The following DSC2 variants were observed in gnomAD, a reference collection of about 807,000 sequenced individuals.
DSC2 encodes desmocollin-2.
A neutral mutation model predicts 87.6 loss-of-function variants in DSC2; 51 were observed. The ratio of observed to expected loss-of-function variants is 0.58; its 90% CI spans 0.46 to 0.74. The LOEUF (loss-of-function observed/expected upper bound fraction) is 0.74, where lower values mean the gene tolerates loss of function less well. DSC2 is among the 30% of genes least tolerant of loss of function. The probability of loss-of-function intolerance (pLI) is 0.00; values close to 1 mark genes in which losing one functional copy is unlikely to be tolerated. For missense variants in DSC2, 1,066 were observed against 1,089.5 expected (o/e 0.98, Z 0.30); for synonymous variants, 383 against 393.2 (o/e 0.97, Z 0.31).
chr18:31,079,927 T>C lies in DSC2; in HGVS notation c.1583A>G (p.Lys528Arg). The change falls in exon 11 of 16, where the codon AAA (lysine) becomes AGA (arginine). Residue 528 changes from lysine to arginine, a missense_variant. Physicochemically the swap from Lys to Arg is conservative, Grantham distance 26. Transcript: ENST00000280904. ...CTCTCTATCCAGGCTTCTGAAAACT[T>C]TGATTGATCCTGTATTTTCATCAAT... is the stretch of plus-strand genomic sequence containing the variant. ...VTIDENTGSI[K>R]VFRSLDREAE... is the part of the protein sequence containing the mutation. 4.3e-6 allele frequency: 7 copies of C among 1,614,018 alleles called. No homozygotes were observed. Among genetic ancestry groups the C allele is most frequent in the Non-Finnish European group, 5.9e-6 (7 of 1,179,934 alleles).
intron 1 of DSC2, among the ~76,000 whole-genome samples, chr18:31,096,337 A>G (rs1398637029): frequency 6.6e-6 from 1 of 152,214 alleles, no homozygotes; most frequent in Non-Finnish European, 1.5e-5. Flanking sequence ...ACACACAGTG[A>G]TAAGAGGAAC....
intron 1 of DSC2, among the ~76,000 whole-genome samples, chr18:31,098,819 C>T (rs7235130): frequency 0.14 from 21,101 of 152,140 alleles, 3,253 homozygotes; most frequent in African/African-American, 0.38. Flanking sequence ...CACCTGCCCA[C>T]ATATGAAATG....
At chr18:31,093,420 T>C (rs990815464) in intron 2 of DSC2, 139 bp downstream of exon 2, 3 of 551,616 alleles carry the variant, frequency 5.4e-6, no homozygotes, top group Non-Finnish European at 1.0e-5. Flanking sequence ...GTTAGTTTGC[T>C]GAGAATAATT....
intron 1 of DSC2, among the ~76,000 whole-genome samples, chr18:31,096,743 A>C (rs956069324): frequency 6.6e-6 from 1 of 152,200 alleles, no homozygotes; most frequent in African/African-American, 2.4e-5. Flanking sequence ...ACAAATGGGA[A>C]AACACTAGAA....
At chr18:31,089,406 T>G in intron 5 of DSC2, 33 bp downstream of exon 5, 1 of 1,612,546 alleles carries the variant, frequency 6.2e-7, no homozygotes, top group East Asian at 2.2e-5. Context: ...AGCATCATCA[T>G]TGCTAATACA....
At chr18:31,101,567 C>T (rs1306486471) in intron 1 of DSC2, 1 of 289,956 alleles carries the variant, frequency 3.4e-6, no homozygotes, top group East Asian at 7.1e-5. Context: ...CACTCCGACC[C>T]CGGCGCACTC....
At chr18:31,079,084 T>G (rs2144810464) in intron 11 of DSC2, among the ~76,000 whole-genome samples, 1 of 152,300 alleles carries the variant, frequency 6.6e-6, no homozygotes, top group African/African-American at 2.4e-5. Context: ...CCAAGTATAT[T>G]GTTAGCTTCC....
At chr18:31,096,887 GA>G (rs1356714301) in intron 1 of DSC2, among the ~76,000 whole-genome samples, 1 of 152,028 alleles carries the variant, frequency 6.6e-6, no homozygotes, top group African/African-American at 2.4e-5. Context: ...CATTTGATAT[GA>G]CTGTTTACCT....
chr18:31,080,423 A>G (rs1484192568), intron 9 of DSC2, 71 bp from the exon 10 acceptor site: 9 of 1,550,112 alleles, frequency 5.8e-6, no homozygotes, highest in Non-Finnish European at 7.9e-6. Context: ...GAGTATATAT[A>G]ATGTTAAATT....
chr18:31,089,675 C>T (rs1251140385), intron 4 of DSC2, 81 bp from the exon 5 acceptor site: 15 of 1,359,720 alleles, frequency 1.1e-5, no homozygotes, highest in Non-Finnish European at 1.5e-5. Flanking sequence ...AATCTCATTG[C>T]CATTTTATTA....
Position 31,060,159 on chromosome 18 carries a change from T to A in DSC2, c.*7856A>T, listed in dbSNP as rs1986473823. 6.6e-6 allele frequency: 1 copy of A among 152,224 alleles called. No individual in the cohort carries two copies. Among genetic ancestry groups the A allele is most frequent in the African/African-American group, 2.4e-5 (1 of 41,464 alleles). 9.4% of individuals were successfully genotyped at this position (152,224 alleles called of 1,614,324 possible). ...CTTCCCTGTCATGGAACATTTAGTTTATTTTCAGTTATTCATATATTTAAT... is the reference window on the plus strand; with the variant it reads ...CTTCCCTGTCATGGAACATTTAGTTAATTTTCAGTTATTCATATATTTAAT... On this transcript the variant is annotated 3_prime_UTR_variant, in exon 16 of 16. Transcript: ENST00000280904.
intron 11 of DSC2, among the ~76,000 whole-genome samples, chr18:31,075,287 G>A (rs1328587689): frequency 6.6e-6 from 1 of 152,174 alleles, no homozygotes; most frequent in East Asian, 1.9e-4. Flanking sequence ...CAATGACAGG[G>A]AAGGTAGACA....
rs1986511527 is a variant in DSC2, at chr18:31,062,013, G to T, written c.*6002C>A. 2.6e-5 allele frequency: 4 copies of T among 152,176 alleles called. No homozygotes were observed. In the South Asian group the frequency reaches 8.3e-4, roughly 32 times the overall value. The allele number at this position is 152,176 out of a possible 1,614,324, so 9.4% of individuals were successfully genotyped here. A position where few individuals can be genotyped will look rare whatever the true frequency, so the allele number is the denominator to read the frequency against. On this transcript the variant is annotated 3_prime_UTR_variant, in exon 16 of 16. Coordinates refer to ENST00000280904, the MANE Select transcript of DSC2 (RefSeq NM_024422.6). ...TCCTACGTGAGAAGAGCAGGGCTGGGAACTACCTCTTACGTGTTATCTTCC... is the reference window on the plus strand; with the variant it reads ...TCCTACGTGAGAAGAGCAGGGCTGGTAACTACCTCTTACGTGTTATCTTCC...
At position 31,093,571 on chromosome 18, in the gene DSC2, G is replaced by A. The variant is rs769776739; in HGVS notation, c.142C>T (p.Leu48Phe). Residue 48 changes from leucine to phenylalanine, a missense_variant, in exon 2 of 16, where the codon CTT (leucine) becomes TTT (phenylalanine). By Grantham distance (22) the Leu-to-Phe change is conservative. Coordinates refer to ENST00000280904, the MANE Select transcript of DSC2 (RefSeq NM_024422.6). ...HVPSKLDAEK[L>F]VGRVNLKECF... ...AGGGCTTCCTTACCTCTACCAACAA[G>A]TTTCTCGGCATCTAGTTTGGAGGGA... 9 of 1,604,074 alleles carry A rather than the reference G, an allele frequency of 5.6e-6. No homozygotes were observed. The highest frequency in any genetic ancestry group is 7.7e-6 in the Non-Finnish European group (9 of 1,173,670).
At chr18:31,091,512 A>G in intron 3 of DSC2, 2 of 463,392 alleles carry the variant, frequency 4.3e-6, no homozygotes, top group South Asian at 3.1e-5. Context: ...TAAATTTAGC[A>G]CAAGCAACTT....
rs1293927459 is a variant in DSC2 at position 31,082,263 on chromosome 18, T to C, written c.1238A>G (p.Asn413Ser). The part of the protein sequence containing the change: ...NFKIVTDAKT[N>S]EGVLCVVKPL... Reference sequence around the variant, plus strand: ...CTTAACTACACAAAGAACTCCTTCATTGGTTTTGGCATCTGTTACAATTTT... The same window carrying C: ...CTTAACTACACAAAGAACTCCTTCACTGGTTTTGGCATCTGTTACAATTTT... Residue 413 changes from asparagine (N) to serine (S), a missense_variant, in exon 9 of 16, where the codon AAT (asparagine) becomes AGT (serine). Coordinates refer to ENST00000280904, the MANE Select transcript of DSC2 (RefSeq NM_024422.6). 8.1e-6 allele frequency: 13 copies of C among 1,613,526 alleles called. No individual in the cohort carries two copies. Among genetic ancestry groups the C allele is most frequent in the African/African-American group, 1.3e-5 (1 of 74,922 alleles).
At position 31,091,045 on chromosome 18, in the gene DSC2, GA is replaced by G. The variant is rs1303279808; in HGVS notation, c.456del (p.Pro153HisfsTer21). 1 of 1,614,040 alleles carries G rather than the reference GA, an allele frequency of 6.2e-7. No homozygotes were observed. Among genetic ancestry groups the G allele is most frequent in the Non-Finnish European group, 8.5e-7 (1 of 1,179,950 alleles). On this transcript the variant is annotated frameshift_variant, in exon 4 of 16. Coordinates refer to ENST00000280904, the MANE Select transcript of DSC2 (RefSeq NM_024422.6). LOFTEE classifies it high-confidence loss of function. ...AACGGTACCTGTTGAAGGAAAAGTGGAAAAGGACCCAAGGAGTTTTCTAGCA... is the reference window on the plus strand; with the variant it reads ...AACGGTACCTGTTGAAGGAAAAGTGGAAAGGACCCAAGGAGTTTTCTAGCA... ...CSMLENSLGP[F>X]PLFLQQVQSD...
At chr18:31,092,795 C>T (rs1987644541) in intron 2 of DSC2, among the ~76,000 whole-genome samples, 1 of 151,870 alleles carries the variant, frequency 6.6e-6, no homozygotes. Flanking sequence ...TAAAAAAATA[C>T]AATACAGAGT....
Position 31,067,961 on chromosome 18 carries a change from A to AT in DSC2, c.*53dup. Reference sequence around the variant, plus strand: ...TGCTTTAAAAAATTCTTGGTTTGTAATTTTTTTTAAAAGTCATAAAGCCAC... The same window carrying AT: ...TGCTTTAAAAAATTCTTGGTTTGTAATTTTTTTTTAAAAGTCATAAAGCCAC... On this transcript the variant is annotated 3_prime_UTR_variant, in exon 16 of 16. Coordinates refer to ENST00000280904, the MANE Select transcript of DSC2 (RefSeq NM_024422.6). 12 of 1,573,136 alleles carry AT rather than the reference A, an allele frequency of 7.6e-6. No individual in the cohort carries two copies. The highest frequency in any genetic ancestry group is 1.7e-4 in the Middle Eastern group (1 of 5,936).
Sources: allele counts gnomAD v4.1 joint callset (sites outside exome capture counted in the v4.1 genomes callset), GRCh38; gene constraint gnomAD v4.1.1; transcripts MANE v1.5; gene names NCBI Gene and HGNC (gene_info 2026-07-23, HGNC 2026-07-21).